The following ATP8A2 variants were observed in gnomAD, a reference collection of about 807,000 sequenced individuals.
ATP8A2 encodes phospholipid-transporting ATPase IB.
ATP8A2 carries 100 observed loss-of-function variants against 165.6 expected under a neutral mutation model. The observed-to-expected ratio is 0.60, with a 90% CI of 0.51 to 0.71. The LOEUF (loss-of-function observed/expected upper bound fraction) is 0.71. Ranked by LOEUF, ATP8A2 falls within the 30% of genes least tolerant of loss-of-function variation. The pLI is 0.00. For missense variants in ATP8A2, 1,227 were observed against 1,479.5 expected (o/e 0.83, Z 2.80); for synonymous variants, 543 against 548.8 (o/e 0.99, Z 0.15).
intron 24 of ATP8A2, among the ~76,000 whole-genome samples, chr13:25,684,943 T>C (rs2042569693): frequency 6.6e-6 from 1 of 152,198 alleles, no homozygotes; most frequent in Non-Finnish European, 1.5e-5. Context: ...TTAGAAATAA[T>C]TTAAACCTTG....
intron 36 of ATP8A2, among the ~76,000 whole-genome samples, chr13:26,017,915 T>A (rs1223215103): frequency 1.3e-5 from 2 of 152,170 alleles, no homozygotes; most frequent in Non-Finnish European, 2.9e-5. Flanking sequence ...GTGGTGGGAA[T>A]TTTTGGTTTG....
At chr13:25,949,164 G>GAATGA (rs909151238) in intron 33 of ATP8A2, among the ~76,000 whole-genome samples, 1 of 152,234 alleles carries the variant, frequency 6.6e-6, no homozygotes, top group African/African-American at 2.4e-5. Flanking sequence ...AGCAGTGAGT[G>GAATGA]AATGAAATGA....
chr13:25,678,880 C>T (rs1175035409), intron 24 of ATP8A2, among the ~76,000 whole-genome samples: 1 of 152,082 alleles, frequency 6.6e-6, no homozygotes, highest in Non-Finnish European at 1.5e-5. Context: ...TGAAAGCATG[C>T]AGTAAGCTGT....
intron 33 of ATP8A2, among the ~76,000 whole-genome samples, chr13:25,960,580 G>C (rs973336248): frequency 2.0e-5 from 3 of 152,158 alleles, no homozygotes; most frequent in African/African-American, 7.2e-5. Flanking sequence ...CCCTTTCTCA[G>C]GTGGCCCACC....
At chr13:25,974,774 C>G (rs1955992191) in intron 35 of ATP8A2, among the ~76,000 whole-genome samples, 1 of 152,142 alleles carries the variant, frequency 6.6e-6, no homozygotes, top group Non-Finnish European at 1.5e-5. Context: ...ACTGTCCCCT[C>G]ATGTCCTGCG....
rs758462570 is a variant in ATP8A2 at position 25,850,747 on chromosome 13, A to G, written c.2957-9448A>G. Among the ~76,000 whole-genome samples, 7 of 152,230 alleles carry G rather than the reference A, an allele frequency of 4.6e-5. No homozygotes were observed. In the South Asian group the frequency reaches 6.2e-4, roughly 14 times the overall value. On this transcript the variant is annotated intron_variant, in intron 30 of 36. Coordinates refer to ENST00000381655, the MANE Select transcript of ATP8A2 (RefSeq NM_016529.6). ...AGTGGGAAGGAATATTTTGTCAGCA[A>G]CTTGCTTTAGGAATAAACTGGACAA...
intron 10 of ATP8A2, among the ~76,000 whole-genome samples, chr13:25,548,106 G>C (rs1334054646): frequency 1.3e-5 from 2 of 152,032 alleles, no homozygotes; most frequent in Non-Finnish European, 2.9e-5. Flanking sequence ...TGCACCTGTG[G>C]TTCCAGCTAC....
chr13:25,699,090 C>A, intron 24 of ATP8A2, 83 bp from the exon 25 acceptor site: 1 of 1,157,220 alleles, frequency 8.6e-7, no homozygotes, highest in African/African-American at 1.6e-5. Flanking sequence ...GTTCTCATTT[C>A]AAGAAACTTA....
intron 29 of ATP8A2, among the ~76,000 whole-genome samples, 168 bp from the exon 30 acceptor site, chr13:25,839,378 T>C (rs1025806374): frequency 2.6e-5 from 4 of 151,734 alleles, no homozygotes; most frequent in African/African-American, 4.8e-5. Context: ...AAAAATTAAA[T>C]AATCGATTTG....
intron 24 of ATP8A2, among the ~76,000 whole-genome samples, chr13:25,633,582 A>G (rs1315799758): frequency 1.3e-5 from 2 of 152,232 alleles, no homozygotes; most frequent in East Asian, 3.8e-4. Context: ...AATGACAACA[A>G]TGAAGTAGCC....
At chr13:25,978,162 C>A (rs138967537) in intron 35 of ATP8A2, among the ~76,000 whole-genome samples, 45 of 152,130 alleles carry the variant, frequency 3.0e-4, no homozygotes, top group African/African-American at 1.0e-3. Flanking sequence ...TTATTTAACC[C>A]ACTTGAGCAG....
chr13:26,010,421 A>G (rs1956822150), intron 35 of ATP8A2, among the ~76,000 whole-genome samples: 2 of 152,330 alleles, frequency 1.3e-5, no homozygotes, highest in African/African-American at 4.8e-5. Context: ...TGAGAAAATA[A>G]TGTGTCAGTT....
chr13:25,512,646 C>T (rs575757333), intron 2 of ATP8A2, among the ~76,000 whole-genome samples: 1 of 143,522 alleles, frequency 7.0e-6, no homozygotes, highest in African/African-American at 2.7e-5. Flanking sequence ...GCTGACCCCC[C>T]ACCTCCCTCC....
chr13:25,459,663 T>A (rs2035454774), intron 1 of ATP8A2, among the ~76,000 whole-genome samples: 1 of 152,202 alleles, frequency 6.6e-6, no homozygotes, highest in Non-Finnish European at 1.5e-5. Flanking sequence ...TTTAAGCTGA[T>A]GCCTGAGTGA....
chr13:25,516,472 G>T (rs1458211073), intron 2 of ATP8A2, among the ~76,000 whole-genome samples: 1 of 152,146 alleles, frequency 6.6e-6, no homozygotes, highest in Non-Finnish European at 1.5e-5. Flanking sequence ...ACTGAATTCT[G>T]AATGAAAGGC....
chr13:25,748,081 C>T (rs956987301), intron 25 of ATP8A2, among the ~76,000 whole-genome samples: 1 of 152,142 alleles, frequency 6.6e-6, no homozygotes, highest in African/African-American at 2.4e-5. Flanking sequence ...AAAAAAATTA[C>T]TAAGTAGAGA....
chr13:25,600,558 G>A (rs980005253), intron 24 of ATP8A2, among the ~76,000 whole-genome samples: 32 of 152,140 alleles, frequency 2.1e-4, no homozygotes, highest in Admixed American at 2.0e-3. Flanking sequence ...GAGGCTTCAG[G>A]TCCATGCCCT....
intron 24 of ATP8A2, among the ~76,000 whole-genome samples, chr13:25,689,177 G>A (rs1353037705): frequency 6.6e-6 from 1 of 152,198 alleles, no homozygotes; most frequent in Non-Finnish European, 1.5e-5. Flanking sequence ...TTCTTATACA[G>A]CATCTGTGAG....
intron 2 of ATP8A2, among the ~76,000 whole-genome samples, chr13:25,510,680 G>A (rs370824590): frequency 2.6e-5 from 4 of 152,210 alleles, no homozygotes; most frequent in African/African-American, 9.6e-5. Context: ...GGAAGTGATA[G>A]TGGGGAGTGA....
Sources: allele counts gnomAD v4.1 joint callset (sites outside exome capture counted in the v4.1 genomes callset), GRCh38; gene constraint gnomAD v4.1.1; transcripts MANE v1.5; gene names NCBI Gene and HGNC (gene_info 2026-07-23, HGNC 2026-07-21).